The following KIF26B variants were observed in gnomAD, a reference collection of about 807,000 sequenced individuals.
KIF26B encodes the protein kinesin family member 26B.
KIF26B carries 63 observed loss-of-function variants against 151.2 expected under a neutral mutation model. That is an observed-to-expected ratio of 0.42 (90% CI 0.34 to 0.51). The LOEUF is 0.51. KIF26B is among the 20% of genes least tolerant of loss of function. The probability of loss-of-function intolerance (pLI) is 0.07; values close to 1 mark genes in which losing one functional copy is unlikely to be tolerated. For missense variants in KIF26B, 2,813 were observed against 2,913.6 expected (o/e 0.97, Z 0.79); for synonymous variants, 1,357 against 1,262.1 (o/e 1.08, Z -1.59).
intron 2 of KIF26B, among the ~76,000 whole-genome samples, chr1:245,325,094 C>CAA (rs57433161): frequency 5.2e-5 from 5 of 96,586 alleles, no homozygotes; most frequent in East Asian, 5.6e-4. Context: ...GACCTTGTCT[C>CAA]AAAAAAAAAA....
At chr1:245,269,870 A>G (rs55945832) in intron 2 of KIF26B, among the ~76,000 whole-genome samples, 13,078 of 151,980 alleles carry the variant, frequency 0.086, 640 homozygotes, top group Middle Eastern at 0.13. Flanking sequence ...GGTTGTTCCC[A>G]CTGTTTTGCT....
At chr1:245,445,136 T>C (rs1199019459) in intron 4 of KIF26B, among the ~76,000 whole-genome samples, 1 of 152,212 alleles carries the variant, frequency 6.6e-6, no homozygotes, top group African/African-American at 2.4e-5. Context: ...ATGGTTTTAC[T>C]CTTGTGACTA....
At chr1:245,673,808 TCTGA>T (rs1193315395) in intron 10 of KIF26B, 5 of 152,194 alleles carry the variant, frequency 3.3e-5, no homozygotes, top group African/African-American at 1.2e-4. Context: ...GGAGGAAAGA[TCTGA>T]GAGAAGCCAC....
chr1:245,225,317 A>G (rs1424184749), intron 2 of KIF26B, among the ~76,000 whole-genome samples: 1 of 152,212 alleles, frequency 6.6e-6, no homozygotes, highest in Non-Finnish European at 1.5e-5. Flanking sequence ...CCTTTGCCAT[A>G]GGAAACTATT....
Position 245,156,408 on chromosome 1 carries a change from G to C in KIF26B, c.190G>C (p.Gly64Arg). The C allele has an allele frequency of 6.5e-7, 1 of 1,533,888 alleles. No homozygotes were observed. Among genetic ancestry groups the C allele is most frequent in the Non-Finnish European group, 8.8e-7 (1 of 1,142,088 alleles). ...PTPEGAGSAL[G>R]SSGTPSPGSG... ...TCCTGAGGGCGCGGGCTCAGCGCTC[G>C]GCTCCTCGGGGACCCCGTCTCCCGG... is the stretch of plus-strand genomic sequence containing the variant. The change falls in exon 2 of 15, where the codon GGC (glycine) becomes CGC (arginine). Residue 64 changes from glycine (G) to arginine (R), a missense_variant. Coordinates refer to ENST00000407071, the MANE Select transcript of KIF26B (RefSeq NM_018012.4).
chr1:245,681,105 G>A (rs2147949340), intron 10 of KIF26B, among the ~76,000 whole-genome samples: 1 of 152,058 alleles, frequency 6.6e-6, no homozygotes, highest in Admixed American at 6.5e-5. Flanking sequence ...TAGTGTTAAT[G>A]AATCAAGAAT....
intron 12 of KIF26B, among the ~76,000 whole-genome samples, chr1:245,696,056 G>A (rs943175435): frequency 1.3e-5 from 2 of 152,250 alleles, no homozygotes; most frequent in Non-Finnish European, 1.5e-5. Context: ...CCCATCCGCG[G>A]TAGCCAGGCT....
At chr1:245,326,789 A>G (rs1435734917) in intron 2 of KIF26B, among the ~76,000 whole-genome samples, 2 of 152,194 alleles carry the variant, frequency 1.3e-5, no homozygotes, top group African/African-American at 4.8e-5. Flanking sequence ...TTAAAAATTC[A>G]TGTATTTAGT....
intron 2 of KIF26B, among the ~76,000 whole-genome samples, chr1:245,266,437 G>A (rs1281898648): frequency 1.3e-5 from 2 of 152,096 alleles, no homozygotes; most frequent in East Asian, 3.9e-4. Context: ...AGACCCTGGT[G>A]GAAAGAGAAT....
At position 245,702,748 on chromosome 1, in the gene KIF26B, G is replaced by T; in HGVS notation, c.*142G>T. On this transcript the variant is annotated 3_prime_UTR_variant, in exon 15 of 15. Transcript: ENST00000407071. This position sits in a 1 kb window ranked among gnomAD's most constrained non-coding sequence, Gnocchi z 4.1. Reference sequence around the variant, plus strand: ...GGCAAGTCTGGAGCGGGCGTTGAGCGGAAGGCGAGTTTTCTTTTGTTTTCT... The same window carrying T: ...GGCAAGTCTGGAGCGGGCGTTGAGCTGAAGGCGAGTTTTCTTTTGTTTTCT... 1 of 902,126 alleles carries T rather than the reference G, an allele frequency of 1.1e-6. No individual in the cohort carries two copies. Among genetic ancestry groups the T allele is most frequent in the Non-Finnish European group, 1.6e-6 (1 of 620,560 alleles). 55.9% of individuals were successfully genotyped at this position (902,126 alleles called of 1,614,324 possible). A position where few individuals can be genotyped will look rare whatever the true frequency, so the allele number is the denominator to read the frequency against.
chr1:245,627,218 T>C (rs191020207), intron 9 of KIF26B, among the ~76,000 whole-genome samples: 2 of 152,228 alleles, frequency 1.3e-5, no homozygotes, highest in Non-Finnish European at 2.9e-5. Flanking sequence ...GTGTGCAAGG[T>C]TTTTCTCTGT....
intron 4 of KIF26B, among the ~76,000 whole-genome samples, chr1:245,485,861 G>A (rs959254247): frequency 6.6e-6 from 1 of 152,214 alleles, no homozygotes; most frequent in Non-Finnish European, 1.5e-5. Flanking sequence ...CTCCAGAGCT[G>A]TGATGAATAA....
intron 4 of KIF26B, among the ~76,000 whole-genome samples, chr1:245,532,592 T>G (rs537009531): frequency 8.9e-4 from 136 of 152,286 alleles, no homozygotes; most frequent in African/African-American, 3.2e-3. Flanking sequence ...TGCATTAACA[T>G]GCAAATGTCA....
intron 2 of KIF26B, 95 bp downstream of exon 2, chr1:245,156,778 CCGG>C (rs1668444880): frequency 6.5e-6 from 5 of 766,526 alleles, no homozygotes; most frequent in Non-Finnish European, 9.1e-6. Flanking sequence ...ACCTTGCGCG[CCGG>C]CTCCACGCGA....
At chr1:245,338,882 A>G (rs911641905) in intron 2 of KIF26B, among the ~76,000 whole-genome samples, 1 of 152,206 alleles carries the variant, frequency 6.6e-6, no homozygotes, top group African/African-American at 2.4e-5. Flanking sequence ...GTGATTAGGT[A>G]TCCCAGACTA....
intron 9 of KIF26B, among the ~76,000 whole-genome samples, chr1:245,645,406 T>TA (rs1319987766): frequency 1.3e-5 from 2 of 152,208 alleles, no homozygotes; most frequent in African/African-American, 2.4e-5. Flanking sequence ...CTCTGTCTTG[T>TA]AAATTGTTGC....
chr1:245,467,856 C>T (rs1659829278), intron 4 of KIF26B, among the ~76,000 whole-genome samples: 1 of 150,780 alleles, frequency 6.6e-6, no homozygotes, highest in Non-Finnish European at 1.5e-5. Flanking sequence ...GATCTTGCCA[C>T]TGCATTCCAG....
intron 2 of KIF26B, among the ~76,000 whole-genome samples, chr1:245,245,358 C>T (rs1347442672): frequency 2.0e-5 from 3 of 152,102 alleles, no homozygotes; most frequent in Admixed American, 2.0e-4. Context: ...TTGAGAATGC[C>T]GAGTCTTGCT....
chr1:245,386,847 C>T (rs897865300), intron 3 of KIF26B, among the ~76,000 whole-genome samples: 3 of 152,180 alleles, frequency 2.0e-5, no homozygotes, highest in Non-Finnish European at 2.9e-5. Context: ...TCAGTGTTTT[C>T]GGATGCCCGC....
Sources: gnomAD v4.1 joint callset for allele counts (sites outside exome capture counted in the v4.1 genomes callset) on GRCh38, gnomAD v4.1.1 for gene constraint, Gnocchi (gnomAD v3.1) non-coding constraint, MANE v1.5 for transcripts, NCBI Gene and HGNC (gene_info 2026-07-23, HGNC 2026-07-21) for gene names.